The following CHD5 variants were observed in gnomAD, a reference collection of about 807,000 sequenced individuals.
CHD5 encodes ATP-dependent chromatin remodeler CHD5.
In CHD5, 69 loss-of-function variants were observed where a neutral mutation model predicts 230.3. The observed-to-expected ratio is 0.30, with a 90% CI of 0.25 to 0.37. The LOEUF is 0.37. Among genes scored for constraint, CHD5 ranks in the 10% least tolerant of loss-of-function variants. The pLI is 1.00. For missense variants in CHD5, 1,827 were observed against 2,622.8 expected (o/e 0.70, Z 6.63); for synonymous variants, 1,064 against 1,065.9 (o/e 1.00, Z 0.03).
rs202178003 is a variant in CHD5 at position 6,142,164 on chromosome 1, G to A, written c.2400C>T (p.Asn800=). The part of the protein sequence containing the change: ...IRENEFSFED[N]AIRSGKKVFR... ...ATACCTTCTTCCCACTCCGAATGGCGTTGTCCTCAAAGGAAAACTCGTTCT... is the reference window on the plus strand; with the variant it reads ...ATACCTTCTTCCCACTCCGAATGGCATTGTCCTCAAAGGAAAACTCGTTCT... Residue 800 remains asparagine, a synonymous_variant, in exon 15 of 42, where the codon AAC becomes AAT. Coordinates refer to ENST00000262450, the MANE Select transcript of CHD5 (RefSeq NM_015557.3). The surrounding 1 kb of genome is among the most constrained non-coding windows in gnomAD (Gnocchi z 5.2). The A allele has an allele frequency of 1.3e-4, 205 of 1,614,080 alleles. 1 individual carries two copies. The East Asian group carries it at 3.1e-3, about 25-fold the overall frequency.
At chr1:6,111,964 C>A in intron 35 of CHD5, 81 bp from the exon 36 acceptor site, 1 of 1,412,428 alleles carries the variant, frequency 7.1e-7, no homozygotes. Context: ...CGCTCCCTCC[C>A]TACTTGCCAC....
Position 6,101,805 on chromosome 1 carries a change from GATTT to G in CHD5, c.*3665_*3668del, listed in dbSNP as rs2100820425. Reference sequence around the variant, plus strand: ...CCTCTGATTAAATCCTTTCCCAAAGGATTTATTAAAACACAGAAAACCAAAACAT... The same window carrying G: ...CCTCTGATTAAATCCTTTCCCAAAGGATTAAAACACAGAAAACCAAAACAT... On this transcript the variant is annotated 3_prime_UTR_variant, in exon 42 of 42. Transcript: ENST00000262450. The G allele has an allele frequency of 6.1e-6, 1 of 164,340 alleles. No individual in the cohort carries two copies. Among genetic ancestry groups the G allele is most frequent in the South Asian group, 1.2e-4 (1 of 8,582 alleles). 10.2% of individuals were successfully genotyped at this position (164,340 alleles called of 1,614,324 possible).
intron 6 of CHD5, among the ~76,000 whole-genome samples, chr1:6,151,523 C>T (rs1667007503): frequency 6.6e-6 from 1 of 152,246 alleles, no homozygotes; most frequent in Admixed American, 6.5e-5. Context: ...CCTACTGTGG[C>T]TGCGTGTGTG....
At chr1:6,135,105 T>A in intron 18 of CHD5, 125 bp downstream of exon 18, 1 of 1,168,556 alleles carries the variant, frequency 8.6e-7, no homozygotes, top group South Asian at 1.3e-5. Context: ...AGAAAGTGTA[T>A]GCAAAGCATT....
intron 33 of CHD5, among the ~76,000 whole-genome samples, chr1:6,119,767 A>G (rs548252797): frequency 7.3e-5 from 11 of 151,046 alleles, no homozygotes; most frequent in Admixed American, 2.6e-4. Flanking sequence ...ACGTGCGTAC[A>G]TACGTACATA....
intron 25 of CHD5, 123 bp downstream of exon 25, chr1:6,127,923 C>A (rs58006103): frequency 1.2e-6 from 1 of 839,958 alleles, no homozygotes; most frequent in Non-Finnish European, 1.8e-6. Context: ...AGGGCGGGGT[C>A]ACAGCTTGGA....
Position 6,130,118 on chromosome 1 carries a change from G to A in CHD5, c.3387+86C>T. ...GCACCAGGATAGGTGAGGGGGTGAT[G>A]GCAAGAAGGGCATGAAGGACAGAAC... On this transcript the variant is annotated intron_variant, in intron 22 of 41. Coordinates refer to ENST00000262450, the MANE Select transcript of CHD5 (RefSeq NM_015557.3). The surrounding 1 kb of genome is among the most constrained non-coding windows in gnomAD (Gnocchi z 4.9). The A allele has an allele frequency of 6.7e-7, 1 of 1,495,772 alleles. No individual in the cohort carries two copies. The highest frequency in any genetic ancestry group is 1.2e-5 in the South Asian group (1 of 84,688). 92.7% of individuals were successfully genotyped at this position (1,495,772 alleles called of 1,614,324 possible).
chr1:6,178,855 G>A (rs1667465125), intron 1 of CHD5, among the ~76,000 whole-genome samples: 1 of 152,178 alleles, frequency 6.6e-6, no homozygotes, highest in African/African-American at 2.4e-5. Context: ...TCCATTTGTG[G>A]AGTCTTCTCA....
intron 37 of CHD5, 66 bp downstream of exon 37, chr1:6,110,328 T>C: frequency 6.3e-7 from 1 of 1,591,796 alleles, no homozygotes; most frequent in Non-Finnish European, 8.6e-7. Context: ...TCCTTTGCCT[T>C]TGCGAGGGTC....
Position 6,167,267 on chromosome 1 carries a change from C to T in CHD5, c.207+883G>A, listed in dbSNP as rs1667270578. Among the ~76,000 whole-genome samples, 1 of 152,206 alleles carries T rather than the reference C, an allele frequency of 6.6e-6. No homozygotes were observed. Among genetic ancestry groups the T allele is most frequent in the South Asian group, 2.1e-4 (1 of 4,836 alleles). The stretch of plus-strand genomic sequence containing the variant: ...GGAGCTGACAGCCCTGGATTCAGAT[C>T]TCAGCACCACCACTGTGTCACTGTG... On this transcript the variant is annotated intron_variant, in intron 2 of 41. Coordinates refer to ENST00000262450, the MANE Select transcript of CHD5 (RefSeq NM_015557.3). The surrounding 1 kb of genome is among the most constrained non-coding windows in gnomAD (Gnocchi z 4.5).
In CHD5 at chr1:6,153,073, TA is replaced by T. The variant is rs1667030329; in HGVS notation, c.746-538del. On this transcript the variant is annotated intron_variant, in intron 5 of 41. Coordinates refer to ENST00000262450, the MANE Select transcript of CHD5 (RefSeq NM_015557.3). Reference sequence around the variant, plus strand: ...TGGAGCTGGCCACAGGGCAATTAGCTACCTGGGGAGTAATGACCCAAGAAGG... The same window carrying T: ...TGGAGCTGGCCACAGGGCAATTAGCTCCTGGGGAGTAATGACCCAAGAAGG... Among the ~76,000 whole-genome samples, 9 of 152,282 alleles carry T rather than the reference TA, an allele frequency of 5.9e-5. No homozygotes were observed. The South Asian group carries it at 1.9e-3, about 32-fold the overall frequency.
chr1:6,135,181 C>T (rs745571445), intron 18 of CHD5, 49 bp downstream of exon 18: 1 of 1,609,986 alleles, frequency 6.2e-7, no homozygotes, highest in Non-Finnish European at 8.5e-7. Context: ...GAGACCAGCC[C>T]AGGGGAAAGG....
At chr1:6,175,940 C>T (rs34109094) in intron 1 of CHD5, among the ~76,000 whole-genome samples, 2,286 of 149,942 alleles carry the variant, frequency 0.015, 22 homozygotes, top group Non-Finnish European at 0.026. Flanking sequence ...GATTGATAGG[C>T]GGATGGTGAA....
intron 11 of CHD5, among the ~76,000 whole-genome samples, chr1:6,144,809 G>T (rs1470479274): frequency 6.6e-6 from 1 of 152,208 alleles, no homozygotes; most frequent in African/African-American, 2.4e-5. Flanking sequence ...TGCCGAGGAG[G>T]CACACAGACC....
rs530764855 is a variant in CHD5, at chr1:6,149,485, G to C, written c.995-73C>G. 88 of 1,467,006 alleles carry C rather than the reference G, an allele frequency of 6.0e-5. No homozygotes were observed. The East Asian group carries it at 1.9e-3, about 32-fold the overall frequency. The allele number at this position is 1,467,006 out of a possible 1,614,324, so 90.9% of individuals were successfully genotyped here. A position where few individuals can be genotyped will look rare whatever the true frequency, so the allele number is the denominator to read the frequency against. ...GCACACAACCAACTGCATCGCCCCA[G>C]GCCAGACAGGCACAGAGTAGATGTC... On this transcript the variant is annotated intron_variant, in intron 7 of 41. Coordinates refer to ENST00000262450, the MANE Select transcript of CHD5 (RefSeq NM_015557.3).
chr1:6,106,637 G>A lies in CHD5; in HGVS notation c.5721C>T (p.Ala1907=), dbSNP rs768069860. 30 of 1,590,032 alleles carry A rather than the reference G, an allele frequency of 1.9e-5. No individual in the cohort carries two copies. Among genetic ancestry groups the A allele is most frequent in the Admixed American group, 1.1e-4 (6 of 57,074 alleles). Reference sequence around the variant, plus strand: ...TGACCTGCTGGATGGTGGGGTCCCCGGCGCGGTTGGTCAGGCGGCTCAGGA... The same window carrying A: ...TGACCTGCTGGATGGTGGGGTCCCCAGCGCGGTTGGTCAGGCGGCTCAGGA... ...RSILSRLTNR[A]GDPTIQQGAF... is the part of the protein sequence containing the mutation. Residue 1907 remains alanine (A), a synonymous_variant, in exon 39 of 42, where the codon GCC becomes GCT. Transcript: ENST00000262450.
chr1:6,156,865 G>C (rs1458703354), intron 3 of CHD5, among the ~76,000 whole-genome samples: 1 of 152,240 alleles, frequency 6.6e-6, no homozygotes, highest in Non-Finnish European at 1.5e-5. Context: ...ACCAGGCCCG[G>C]GCTGGCGGGG....
In CHD5 at chr1:6,155,694, G is replaced by A. The variant is rs1246663549; in HGVS notation, c.411C>T (p.Leu137=). ...CGTCGTCCAGGCCCCACTCGGCCATGAGCTGCCCCGAGGACTTGGGCTCCT... is the reference window on the plus strand; with the variant it reads ...CGTCGTCCAGGCCCCACTCGGCCATAAGCTGCCCCGAGGACTTGGGCTCCT... ...CLKEPKSSGQ[L]MAEWGLDDVD... Residue 137 remains leucine, a synonymous_variant, in exon 4 of 42, where the codon CTC becomes CTT. Transcript: ENST00000262450. This position sits in a 1 kb window ranked among gnomAD's most constrained non-coding sequence, Gnocchi z 4.0. The A allele has an allele frequency of 1.9e-6, 3 of 1,613,914 alleles. No homozygotes were observed. Among genetic ancestry groups the A allele is most frequent in the East Asian group, 2.2e-5 (1 of 44,872 alleles).
intron 8 of CHD5, 47 bp downstream of exon 8, chr1:6,149,199 A>G: frequency 6.6e-7 from 1 of 1,512,158 alleles, no homozygotes; most frequent in Non-Finnish European, 8.9e-7. Flanking sequence ...GGGGTGGGGG[A>G]GCCAGGCGTG....
Sources: allele counts gnomAD v4.1 joint callset (sites outside exome capture counted in the v4.1 genomes callset), GRCh38; gene constraint gnomAD v4.1.1; non-coding constraint Gnocchi (gnomAD v3.1); transcripts MANE v1.5; gene names NCBI Gene and HGNC (gene_info 2026-07-23, HGNC 2026-07-21).